Variants in GSN observed in about 807,000 individuals in gnomAD.
GSN encodes the protein actin-depolymerizing factor.
GSN carries 56 observed loss-of-function variants against 85.7 expected under a neutral mutation model. That is an observed-to-expected ratio of 0.65 (90% CI 0.53 to 0.82). The LOEUF (loss-of-function observed/expected upper bound fraction) is 0.82. Ranked by LOEUF, GSN falls within the 40% of genes least tolerant of loss-of-function variation. GSN has a pLI of 0.00. For synonymous variants in GSN, 373 were observed against 399.1 expected (o/e 0.93, Z 0.78); for missense variants, 857 against 979.8 (o/e 0.87, Z 1.67).
Position 121,242,181 on chromosome 9 carries a change from A to T in GSN, c.-388-6095A>T, listed in dbSNP as rs943450523. Among the ~76,000 whole-genome samples the T allele has an allele frequency of 2.0e-5, 3 of 152,250 alleles. No individual in the cohort carries two copies. In the East Asian group the frequency reaches 5.8e-4, roughly 29 times the overall value. On this transcript the variant is annotated intron_variant, in intron 5 of 24. Coordinates refer to the GSN transcript ENST00000373823. ...AATAAATACTAAGTGCCTGGAACCTAGTAAAAGCTCAATAAATGAGCATTG... is the reference window on the plus strand; with the variant it reads ...AATAAATACTAAGTGCCTGGAACCTTGTAAAAGCTCAATAAATGAGCATTG...
chr9:121,234,403 C>G (rs2054452753), intron 5 of GSN, among the ~76,000 whole-genome samples: 1 of 152,168 alleles, frequency 6.6e-6, no homozygotes, highest in South Asian at 2.1e-4. Context: ...CAGCACCGAT[C>G]CCTTCCGGAG....
chr9:121,273,124 A>T (rs1306222464), intron 1 of GSN, among the ~76,000 whole-genome samples: 1 of 152,230 alleles, frequency 6.6e-6, no homozygotes, highest in Non-Finnish European at 1.5e-5. Flanking sequence ...AGAGTGATCC[A>T]GAAAGGCTTT....
In GSN at chr9:121,318,907, G is replaced by A. The variant is rs779090031; in HGVS notation, c.1191+27G>A. 1.5e-5 allele frequency: 23 copies of A among 1,550,820 alleles called. No individual in the cohort carries two copies. The highest frequency in any genetic ancestry group is 2.0e-5 in the Non-Finnish European group (23 of 1,123,152). ...TACGTTTAGGGCGTGGGGTGGGTGT[G>A]TCCAGGCCCCTCCCTCACTTTCCCC... On this transcript the variant is annotated intron_variant, in intron 10 of 17. Coordinates refer to ENST00000432226, the MANE Select transcript of GSN (RefSeq NM_198252.3). This position sits in a 1 kb window ranked among gnomAD's most constrained non-coding sequence, Gnocchi z 4.3.
chr9:121,322,622 T>C (rs1462624198), intron 11 of GSN, among the ~76,000 whole-genome samples: 1 of 152,190 alleles, frequency 6.6e-6, no homozygotes, highest in Non-Finnish European at 1.5e-5. Flanking sequence ...TAGCCCCCAA[T>C]TTCCCTCGAT....
upstream of GSN, among the ~76,000 whole-genome samples, chr9:121,265,499 C>T (rs761250415): frequency 6.6e-6 from 1 of 152,224 alleles, no homozygotes; most frequent in African/African-American, 2.4e-5. Flanking sequence ...CTGCCGTCCA[C>T]TCCTCATGCT....
intron 7 of GSN, among the ~76,000 whole-genome samples, chr9:121,316,297 A>C (rs1349021115): frequency 6.6e-6 from 1 of 152,240 alleles, no homozygotes. Context: ...TCTCCTTAGC[A>C]TCTTAGCATA....
intron 2 of GSN, chr9:121,285,447 G>A (rs2057955000): frequency 6.0e-6 from 1 of 167,194 alleles, no homozygotes; most frequent in Non-Finnish European, 1.5e-5. Flanking sequence ...CCTGGACTGG[G>A]TTTTATTTGT....
At chr9:121,287,743 G>C (rs767207187) in intron 2 of GSN, among the ~76,000 whole-genome samples, 13 of 150,818 alleles carry the variant, frequency 8.6e-5, no homozygotes, top group Non-Finnish European at 1.3e-4. Context: ...TGATTTATTG[G>C]AGTAAATTTA....
At chr9:121,331,697 G>C (rs1176338844) in intron 17 of GSN, 4 of 441,502 alleles carry the variant, frequency 9.1e-6, no homozygotes, top group Non-Finnish European at 1.6e-5. Context: ...AGAAGGAAGG[G>C]ACAGATGAGA....
At chr9:121,286,550 C>T (rs1047596760) in intron 2 of GSN, 8 of 1,435,072 alleles carry the variant, frequency 5.6e-6, no homozygotes, top group South Asian at 1.5e-5. Context: ...CCCCAATGCC[C>T]CTCCTCCGTG....
chr9:121,330,644 T>C (rs973265587), intron 16 of GSN, among the ~76,000 whole-genome samples: 1 of 152,246 alleles, frequency 6.6e-6, no homozygotes, highest in African/African-American at 2.4e-5. Context: ...ATAGGTGCTC[T>C]TTGAAGTAAT....
rs533077767 is a variant in GSN, at chr9:121,312,406, A to G, written c.581A>G (p.Lys194Arg). 1.2e-5 allele frequency: 20 copies of G among 1,614,006 alleles called. No individual in the cohort carries two copies. The highest frequency in any genetic ancestry group is 5.5e-5 in the South Asian group (5 of 91,082). ...AGACTGAAGGCCACACAGGTGTCCAAGGGCATCCGGGACAACGAGCGGAGT... is the reference window on the plus strand; with the variant it reads ...AGACTGAAGGCCACACAGGTGTCCAGGGGCATCCGGGACAACGAGCGGAGT... ...YERLKATQVS[K>R]GIRDNERSGR... The change falls in exon 6 of 18, where the codon AAG becomes AGG. Residue 194 changes from lysine to arginine, a missense_variant. By Grantham distance (26) the Lys-to-Arg change is conservative. Coordinates refer to ENST00000432226, the MANE Select transcript of GSN (RefSeq NM_198252.3).
chr9:121,303,086 C>G (rs1403703384), intron 4 of GSN, 21 bp downstream of exon 4: 1 of 1,610,940 alleles, frequency 6.2e-7, no homozygotes, highest in African/African-American at 1.3e-5. Context: ...CCCCACCTTG[C>G]TTGAGCGGTA....
intron 5 of GSN, chr9:121,238,633 TATTA>T (rs1311361483): frequency 3.5e-6 from 1 of 287,408 alleles, no homozygotes; most frequent in Non-Finnish European, 6.9e-6. Flanking sequence ...ATATCTATCC[TATTA>T]ATTCTCTCCC....
chr9:121,264,176 A>C (rs2055148724), upstream of GSN, among the ~76,000 whole-genome samples: 1 of 152,186 alleles, frequency 6.6e-6, no homozygotes, highest in Non-Finnish European at 1.5e-5. Context: ...AAATTTGGCC[A>C]GGTGTGATGG....
intron 3 of GSN, among the ~76,000 whole-genome samples, chr9:121,302,573 C>T (rs2059998925): frequency 6.6e-6 from 1 of 151,906 alleles, no homozygotes; most frequent in African/African-American, 2.4e-5. Context: ...GAGTCCCTGC[C>T]ACACCTCTGC....
chr9:121,310,638 C>T (rs1251681965), intron 4 of GSN, 46 bp from the exon 5 acceptor site: 1 of 1,599,646 alleles, frequency 6.3e-7, no homozygotes, highest in East Asian at 2.2e-5. Flanking sequence ...TATCTGCTTC[C>T]CTGGGCCTTC....
In GSN at chr9:121,312,449, C is replaced by T. The variant is rs756081371; in HGVS notation, c.624C>T (p.His208=). ...DNERSGRARV[H]VSEEGTEPEA... ...AGCGGAGTGGCCGGGCCCGAGTGCACGTGTCTGAGGAGGGCACTGAGCCCG... is the reference window on the plus strand; with the variant it reads ...AGCGGAGTGGCCGGGCCCGAGTGCATGTGTCTGAGGAGGGCACTGAGCCCG... The change falls in exon 6 of 18, where the codon CAC becomes CAT. Residue 208 remains histidine, a synonymous_variant. Transcript: ENST00000432226. The T allele has an allele frequency of 7.2e-5, 116 of 1,613,844 alleles. No homozygotes were observed. Among genetic ancestry groups the T allele is most frequent in the Non-Finnish European group, 9.3e-5 (110 of 1,179,976 alleles).
chr9:121,294,589 G>C (rs1359842423), intron 2 of GSN, among the ~76,000 whole-genome samples: 1 of 152,170 alleles, frequency 6.6e-6, no homozygotes, highest in East Asian at 1.9e-4. Flanking sequence ...GAGACAGTTG[G>C]TCTCCTGGAG....
Sources: gnomAD v4.1 joint callset for allele counts (sites outside exome capture counted in the v4.1 genomes callset) on GRCh38, gnomAD v4.1.1 for gene constraint, Gnocchi (gnomAD v3.1) non-coding constraint, MANE v1.5 for transcripts, NCBI Gene and HGNC (gene_info 2026-07-23, HGNC 2026-07-21) for gene names.